Variants in MYO9B observed in about 807,000 individuals in gnomAD.
The protein encoded by MYO9B is myosin IXB.
A neutral mutation model predicts 229.5 loss-of-function variants in MYO9B; 71 were observed. That is an observed-to-expected ratio of 0.31 (90% CI 0.26 to 0.38). The LOEUF (loss-of-function observed/expected upper bound fraction) is 0.38. MYO9B is among the 10% of genes least tolerant of loss of function. The pLI, the probability that MYO9B is intolerant of heterozygous loss-of-function variation, is 1.00. For synonymous variants in MYO9B, 1,185 were observed against 1,235.8 expected, an observed-to-expected ratio of 0.96 and a Z score of 0.86; for missense variants, 2,255 against 2,920.5, an observed-to-expected ratio of 0.77 and a Z score of 5.25.
Position 17,200,622 on chromosome 19 carries a change from T to C in MYO9B, c.4373-17T>C, listed in dbSNP as rs978619395. The C allele has an allele frequency of 6.2e-6, 10 of 1,603,368 alleles. No individual in the cohort carries two copies. In the African/African-American group the frequency reaches 1.2e-4, roughly 19 times the overall value. ...CCCTGAACCCACCCTCACCGGCTGC[T>C]TCCTGTCCCCCCTCAGCCCCCTCCG... On this transcript the variant is annotated splice_polypyrimidine_tract_variant and intron_variant, in intron 25 of 39. Coordinates refer to ENST00000682292, the MANE Select transcript of MYO9B (RefSeq NM_004145.4).
chr19:17,109,170 A>G (rs2057823648), intron 2 of MYO9B, among the ~76,000 whole-genome samples: 1 of 151,036 alleles, frequency 6.6e-6, no homozygotes, highest in African/African-American at 2.4e-5. Context: ...GGTTCGTGCC[A>G]TTCTCCTGCC....
At position 17,188,538 on chromosome 19, in the gene MYO9B, G is replaced by A. The variant is rs372251749; in HGVS notation, c.2688+493G>A. 3.2e-4 allele frequency among the ~76,000 whole-genome samples: 49 copies of A among 151,612 alleles called. 1 individual carries two copies. In the South Asian group the frequency reaches 0.01, roughly 31 times the overall value. ...GTGACAGCGCCTGGTTCCCTTTCAC[G>A]CTTTCCCTTCATAGCCCCAGGGACT... On this transcript the variant is annotated intron_variant, in intron 19 of 39. Coordinates refer to ENST00000682292, the MANE Select transcript of MYO9B (RefSeq NM_004145.4).
chr19:17,115,908 T>C (rs1269217407), intron 2 of MYO9B, among the ~76,000 whole-genome samples: 1 of 151,700 alleles, frequency 6.6e-6, no homozygotes, highest in Non-Finnish European at 1.5e-5. Context: ...TACATACGTA[T>C]TCATAAACAT....
chr19:17,146,506 G>C (rs2072413147), intron 3 of MYO9B, among the ~76,000 whole-genome samples: 1 of 151,644 alleles, frequency 6.6e-6, no homozygotes, highest in Non-Finnish European at 1.5e-5. Context: ...ATCATAGGTA[G>C]GTGGACGAAT....
chr19:17,078,025 G>A (rs1219968775), intron 1 of MYO9B, among the ~76,000 whole-genome samples: 2 of 152,108 alleles, frequency 1.3e-5, no homozygotes, highest in Non-Finnish European at 2.9e-5. Context: ...TTTCTGTTTG[G>A]CTGTAGGATT....
intron 2 of MYO9B, among the ~76,000 whole-genome samples, chr19:17,110,106 A>AT (rs1449974218): frequency 1.3e-5 from 2 of 151,766 alleles, no homozygotes; most frequent in African/African-American, 4.8e-5. Context: ...TCGATTGGGG[A>AT]TTTTTTCTCA....
At chr19:17,080,559 A>C (rs1329727904) in intron 1 of MYO9B, among the ~76,000 whole-genome samples, 3 of 152,024 alleles carry the variant, frequency 2.0e-5, no homozygotes, top group African/African-American at 7.3e-5. Context: ...TTTTAACTGA[A>C]TCATCCCCAT....
chr19:17,211,502 T>G, intron 38 of MYO9B, 145 bp from the exon 39 acceptor site: 1 of 798,034 alleles, frequency 1.3e-6, no homozygotes, highest in Non-Finnish European at 1.9e-6. Flanking sequence ...TTCAAACTCC[T>G]GGGCTCAAGC....
chr19:17,125,307 C>T (rs973710169), intron 2 of MYO9B, among the ~76,000 whole-genome samples: 5 of 138,582 alleles, frequency 3.6e-5, no homozygotes, highest in Admixed American at 2.1e-4. Context: ...TCCCCCCCCC[C>T]CCAAAAAAAG....
intron 2 of MYO9B, among the ~76,000 whole-genome samples, chr19:17,119,673 A>G (rs1421900845): frequency 6.6e-6 from 1 of 152,102 alleles, no homozygotes; most frequent in African/African-American, 2.4e-5. Flanking sequence ...GTTTTTTGAC[A>G]CAGAGTCTCG....
chr19:17,086,272 C>A (rs1051614455), intron 1 of MYO9B, among the ~76,000 whole-genome samples: 10 of 152,200 alleles, frequency 6.6e-5, no homozygotes, highest in Non-Finnish European at 1.0e-4. Context: ...GCCTTGGACC[C>A]ACCGGCCACA....
At chr19:17,121,023 A>G (rs1232145375) in intron 2 of MYO9B, among the ~76,000 whole-genome samples, 3 of 151,876 alleles carry the variant, frequency 2.0e-5, no homozygotes, top group Non-Finnish European at 4.4e-5. Flanking sequence ...ACTCACTGCA[A>G]CCTCCACCTC....
chr19:17,091,285 G>A (rs2057635394), intron 1 of MYO9B, among the ~76,000 whole-genome samples: 1 of 152,222 alleles, frequency 6.6e-6, no homozygotes, highest in Non-Finnish European at 1.5e-5. Context: ...GAGTGCAGTG[G>A]CATGATCACA....
chr19:17,162,908 G>T (rs1253126683), intron 9 of MYO9B, 80 bp from the exon 10 acceptor site: 15 of 1,507,098 alleles, frequency 1.0e-5, no homozygotes, highest in Non-Finnish European at 1.3e-5. Context: ...GTCACAGCCT[G>T]TAGAGCCAAC....
At position 17,154,543 on chromosome 19, in the gene MYO9B, G is replaced by T; in HGVS notation, c.1199+128G>T. On this transcript the variant is annotated intron_variant, in intron 6 of 39. Transcript: ENST00000682292. ...GGCAGGCAGTGTCCTGAACAGTGCC[G>T]CCATAGGGAGTGTGGCCCAATAGCA... The T allele has an allele frequency of 4.9e-6, 3 of 617,804 alleles. No homozygotes were observed. The South Asian group carries it at 7.4e-5, about 15-fold the overall frequency. 38.3% of individuals were successfully genotyped at this position (617,804 alleles called of 1,614,324 possible).
At chr19:17,135,130 G>A (rs2072253190) in intron 2 of MYO9B, among the ~76,000 whole-genome samples, 1 of 152,164 alleles carries the variant, frequency 6.6e-6, no homozygotes, top group South Asian at 2.1e-4. Context: ...ACGTGAGAAT[G>A]CAAGCATTTC....
Position 17,101,542 on chromosome 19 carries a change from G to C in MYO9B, c.-58-118G>C. On this transcript the variant is annotated intron_variant, in intron 1 of 39. Coordinates refer to ENST00000682292, the MANE Select transcript of MYO9B (RefSeq NM_004145.4). This position sits in a 1 kb window ranked among gnomAD's most constrained non-coding sequence, Gnocchi z 4.7. ...GCCTCTGGCTTTTTGGGCGAGCCTA[G>C]TCGGGTGGGGAACTCCAGCATCGGG... The C allele has an allele frequency of 9.6e-7, 1 of 1,045,878 alleles. No individual in the cohort carries two copies. The highest frequency in any genetic ancestry group is 1.3e-6 in the Non-Finnish European group (1 of 748,288). 64.8% of individuals were successfully genotyped at this position (1,045,878 alleles called of 1,614,324 possible).
intron 31 of MYO9B, 26 bp downstream of exon 31, chr19:17,205,362 C>T (rs760176372): frequency 6.2e-7 from 1 of 1,603,464 alleles, no homozygotes; most frequent in South Asian, 1.1e-5. Context: ...CTGGAACTTT[C>T]TACAATGACA....
At chr19:17,211,531 G>A (rs765909069) in intron 38 of MYO9B, 116 bp from the exon 39 acceptor site, 4 of 942,702 alleles carry the variant, frequency 4.2e-6, no homozygotes, top group Middle Eastern at 5.7e-4. Flanking sequence ...TGCTTGGGGT[G>A]GGGGGAGGTT....
Sources: allele counts gnomAD v4.1 joint callset (sites outside exome capture counted in the v4.1 genomes callset), GRCh38; gene constraint gnomAD v4.1.1; non-coding constraint Gnocchi (gnomAD v3.1); transcripts MANE v1.5; gene names NCBI Gene and HGNC (gene_info 2026-07-23, HGNC 2026-07-21).